MECOM: variants seen among roughly 807,000 people sequenced by gnomAD.
MECOM encodes the protein MDS1 and EVI1 complex locus.
A neutral mutation model predicts 116.3 loss-of-function variants in MECOM; 13 were observed. That is an observed-to-expected ratio of 0.11 (90% CI 0.07 to 0.18). MECOM has a LOEUF of 0.18. MECOM is among the 10% of genes least tolerant of loss of function. The pLI, the probability that MECOM is intolerant of heterozygous loss-of-function variation, is 1.00. For missense variants in MECOM, 1,299 were observed against 1,509.0 expected (o/e 0.86, Z 2.31); for synonymous variants, 528 against 535.2 (o/e 0.99, Z 0.19).
chr3:169,206,782 G>T (rs1375283971), intron 2 of MECOM, among the ~76,000 whole-genome samples: 1 of 149,768 alleles, frequency 6.7e-6, no homozygotes, highest in Non-Finnish European at 1.5e-5. Context: ...TTAAACCTAG[G>T]TCCCACCCCA....
At chr3:169,304,591 A>G (rs749412666) in intron 2 of MECOM, among the ~76,000 whole-genome samples, 12 of 152,240 alleles carry the variant, frequency 7.9e-5, no homozygotes, top group Admixed American at 2.0e-4. Context: ...TTACTGAGCT[A>G]CACAGAAGAT....
chr3:169,373,162 G>A lies in MECOM; in HGVS notation c.375+8025C>T, dbSNP rs1431442072. Among the ~76,000 whole-genome samples, 4 of 151,890 alleles carry A rather than the reference G, an allele frequency of 2.6e-5. No homozygotes were observed. In the East Asian group the frequency reaches 5.8e-4, roughly 22 times the overall value. On this transcript the variant is annotated intron_variant, in intron 2 of 16. Coordinates refer to ENST00000651503, the MANE Select transcript of MECOM (RefSeq NM_004991.4). ...CAAGTCTTTAAAGATCTTTTTGTTGGAGAGAAGTCACATGCATTGTGAGGT... is the reference window on the plus strand; with the variant it reads ...CAAGTCTTTAAAGATCTTTTTGTTGAAGAGAAGTCACATGCATTGTGAGGT...
In MECOM at chr3:169,563,401, A is replaced by G. The variant is rs1384401345; in HGVS notation, c.37+99935T>C. On this transcript the variant is annotated intron_variant, in intron 1 of 16. Transcript: ENST00000651503. ...ATTCATTGAAACTTAAATCCACATAATAGAAAACTTTGATATTGACATATC... is the reference window on the plus strand; with the variant it reads ...ATTCATTGAAACTTAAATCCACATAGTAGAAAACTTTGATATTGACATATC... Among the ~76,000 whole-genome samples, 6 of 152,234 alleles carry G rather than the reference A, an allele frequency of 3.9e-5. No homozygotes were observed. In the South Asian group the frequency reaches 1.2e-3, roughly 32 times the overall value.
intron 1 of MECOM, among the ~76,000 whole-genome samples, chr3:169,466,355 G>T (rs909076606): frequency 4.6e-5 from 7 of 152,206 alleles, no homozygotes; most frequent in African/African-American, 1.2e-4. Flanking sequence ...TCCCAGTGAA[G>T]GCTCTGCGCT....
chr3:169,409,650 C>T (rs936933247), intron 1 of MECOM, among the ~76,000 whole-genome samples: 9 of 152,168 alleles, frequency 5.9e-5, no homozygotes, highest in African/African-American at 2.2e-4. Context: ...CAAATAGACG[C>T]TTTGCAAGAA....
At chr3:169,165,088 A>C (rs1743385131) in intron 2 of MECOM, among the ~76,000 whole-genome samples, 1 of 152,216 alleles carries the variant, frequency 6.6e-6, no homozygotes, top group Non-Finnish European at 1.5e-5. Context: ...GTTTCAGTAC[A>C]TCTTTTGAAA....
intron 2 of MECOM, among the ~76,000 whole-genome samples, chr3:169,199,695 T>C (rs568899076): frequency 6.6e-6 from 1 of 152,096 alleles, no homozygotes; most frequent in Admixed American, 6.6e-5. Flanking sequence ...CTGGGTCTTA[T>C]TGAAATCTGA....
intron 2 of MECOM, among the ~76,000 whole-genome samples, chr3:169,364,158 C>G (rs900091968): frequency 6.6e-6 from 1 of 151,946 alleles, no homozygotes; most frequent in Non-Finnish European, 1.5e-5. Context: ...CCTGCCTTAG[C>G]TCTTTATTTG....
intron 1 of MECOM, chr3:169,484,050 A>T: frequency 8.3e-7 from 1 of 1,204,826 alleles, no homozygotes; most frequent in African/African-American, 1.5e-5. Flanking sequence ...ACTAATGGAA[A>T]GTACAACCTA....
intron 2 of MECOM, among the ~76,000 whole-genome samples, chr3:169,144,793 G>A (rs755948542): frequency 3.9e-5 from 6 of 152,152 alleles, no homozygotes; most frequent in Non-Finnish European, 8.8e-5. Context: ...ATGTCAATCA[G>A]TTAATACAAA....
chr3:169,639,677 C>T (rs1289233447), intron 1 of MECOM, among the ~76,000 whole-genome samples: 1 of 152,066 alleles, frequency 6.6e-6, no homozygotes, highest in Non-Finnish European at 1.5e-5. Flanking sequence ...CTCTTGTAAT[C>T]AGTATAGGGA....
chr3:169,406,630 G>A (rs1447721111), intron 1 of MECOM, among the ~76,000 whole-genome samples: 2 of 152,146 alleles, frequency 1.3e-5, no homozygotes, highest in African/African-American at 4.8e-5. Context: ...GTGCCAGACT[G>A]ACACTCTCTT....
intron 2 of MECOM, among the ~76,000 whole-genome samples, chr3:169,163,764 A>G (rs965381288): frequency 6.6e-6 from 1 of 152,138 alleles, no homozygotes; most frequent in African/African-American, 2.4e-5. Flanking sequence ...CAAAGATACT[A>G]TGTCCTTGGT....
chr3:169,210,783 A>G lies in MECOM; in HGVS notation c.376-66951T>C, dbSNP rs192514392. 2.0e-5 allele frequency among the ~76,000 whole-genome samples: 3 copies of G among 151,988 alleles called. No individual in the cohort carries two copies. The East Asian group carries it at 5.8e-4, about 29-fold the overall frequency. On this transcript the variant is annotated intron_variant, in intron 2 of 16. Coordinates refer to ENST00000651503, the MANE Select transcript of MECOM (RefSeq NM_004991.4). Reference sequence around the variant, plus strand: ...CTTTCAGTTTCCCCTTTTCCACCCAACCCTAAATAATTATTGATTATTATA... The same window carrying G: ...CTTTCAGTTTCCCCTTTTCCACCCAGCCCTAAATAATTATTGATTATTATA...
chr3:169,291,522 A>T (rs540134479), intron 2 of MECOM, among the ~76,000 whole-genome samples: 1 of 152,276 alleles, frequency 6.6e-6, no homozygotes, highest in Admixed American at 6.5e-5. Context: ...GTGGGAGATC[A>T]GTTTATATTT....
Position 169,121,172 on chromosome 3 carries a change from C to A in MECOM, c.1016G>T (p.Arg339Leu), listed in dbSNP as rs368998869. 1 of 1,612,622 alleles carries A rather than the reference C, an allele frequency of 6.2e-7. No individual in the cohort carries two copies. Among genetic ancestry groups the A allele is most frequent in the Admixed American group, 1.7e-5 (1 of 59,860 alleles). ...TDPSNLQRHI[R>L]SQHVGARAHA... ...GGCCCGGGCACCGACATGCTGAGAG[C>A]GAATGTGCCGCTGAAGGTTGCTAGG... Residue 339 changes from arginine (R) to leucine (L), a missense_variant, in exon 7 of 17, where the codon CGC becomes CTC. Coordinates refer to ENST00000651503, the MANE Select transcript of MECOM (RefSeq NM_004991.4).
intron 2 of MECOM, among the ~76,000 whole-genome samples, chr3:169,374,617 C>T (rs1050536098): frequency 6.6e-6 from 1 of 151,952 alleles, no homozygotes; most frequent in Non-Finnish European, 1.5e-5. Flanking sequence ...GCTCTGCGTG[C>T]AATTCTCACG....
chr3:169,322,222 A>G (rs1373180258), intron 2 of MECOM, among the ~76,000 whole-genome samples: 2 of 152,118 alleles, frequency 1.3e-5, no homozygotes, highest in Non-Finnish European at 2.9e-5. Flanking sequence ...TAACCCCACG[A>G]TGTTATCTAG....
intron 2 of MECOM, among the ~76,000 whole-genome samples, chr3:169,360,319 C>CAAA: frequency 0.015 from 1,286 of 87,800 alleles, 61 homozygotes; most frequent in African/African-American, 0.039. Context: ...AAAGTTACAC[C>CAAA]AAAAAAAAAA....
Sources: allele counts gnomAD v4.1 joint callset (sites outside exome capture counted in the v4.1 genomes callset), GRCh38; gene constraint gnomAD v4.1.1; transcripts MANE v1.5; gene names NCBI Gene and HGNC (gene_info 2026-07-23, HGNC 2026-07-21).